The following MACROD2 variants were observed in gnomAD, a reference collection of about 807,000 sequenced individuals.
The protein encoded by MACROD2 is mono-ADP ribosylhydrolase 2.
MACROD2 carries 36 observed loss-of-function variants against 70.4 expected under a neutral mutation model. That is an observed-to-expected ratio of 0.51 (90% CI 0.39 to 0.68). MACROD2 has a LOEUF of 0.68. Ranked by LOEUF, MACROD2 falls within the 30% of genes least tolerant of loss-of-function variation. MACROD2 has a pLI of 0.00. For missense variants in MACROD2, 496 were observed against 538.4 expected, an observed-to-expected ratio of 0.92 and a Z score of 0.78; for synonymous variants, 172 against 178.8, an observed-to-expected ratio of 0.96 and a Z score of 0.30.
At chr20:14,126,154 G>T (rs2054647025) in intron 3 of MACROD2, among the ~76,000 whole-genome samples, 1 of 152,186 alleles carries the variant, frequency 6.6e-6, no homozygotes, top group Non-Finnish European at 1.5e-5. Context: ...TCACAGTTCT[G>T]AAGGGTGGCA....
Position 15,896,563 on chromosome 20 carries a change from C to T in MACROD2, c.775+10752C>T, listed in dbSNP as rs117943969. Among the ~76,000 whole-genome samples, 601 of 147,598 alleles carry T rather than the reference C, an allele frequency of 4.1e-3. 2 individuals are homozygous for T. The highest frequency in any genetic ancestry group is 0.026 in the East Asian group (132 of 5,094). ...TTTTTTTTTTTTTCTAGAAAAAACA[C>T]AGCTTCTGTAATCTTTTCTCTTTCT... On this transcript the variant is annotated intron_variant, in intron 10 of 17. Coordinates refer to ENST00000684519, the MANE Select transcript of MACROD2 (RefSeq NM_001351661.2).
rs1005080007 is a variant in MACROD2 at position 14,535,164 on chromosome 20, C to T, written c.301+41656C>T. On this transcript the variant is annotated intron_variant, in intron 4 of 17. Transcript: ENST00000684519. The stretch of plus-strand genomic sequence containing the variant: ...AGGATTGAAGGAACTGCCAAGATTC[C>T]TTTAGAATTTGAGATTGTATTTTTG... Among the ~76,000 whole-genome samples, 5 of 152,110 alleles carry T rather than the reference C, an allele frequency of 3.3e-5. No individual in the cohort carries two copies. In the East Asian group the frequency reaches 9.6e-4, roughly 29 times the overall value.
intron 2 of MACROD2, among the ~76,000 whole-genome samples, chr20:14,031,436 T>G (rs967411584): frequency 4.6e-5 from 7 of 152,314 alleles, no homozygotes; most frequent in African/African-American, 1.4e-4. Flanking sequence ...TCAGTAATTG[T>G]TTCTTAAAAT....
At chr20:14,997,802 GTGCTGGC>G (rs2074962661) in intron 5 of MACROD2, among the ~76,000 whole-genome samples, 1 of 152,138 alleles carries the variant, frequency 6.6e-6, no homozygotes, top group Non-Finnish European at 1.5e-5. Context: ...TCCCAGTACT[GTGCTGGC>G]CTCGGGTCTC....
At chr20:14,278,048 GCTAAGA>G (rs2082274326) in intron 3 of MACROD2, among the ~76,000 whole-genome samples, 1 of 152,168 alleles carries the variant, frequency 6.6e-6, no homozygotes, top group Non-Finnish European at 1.5e-5. Context: ...CCAACTTCAG[GCTAAGA>G]CAAGTGAGAG....
At chr20:14,980,523 C>T (rs1359820180) in intron 5 of MACROD2, among the ~76,000 whole-genome samples, 2 of 152,108 alleles carry the variant, frequency 1.3e-5, no homozygotes, top group Non-Finnish European at 2.9e-5. Flanking sequence ...CAGACTAAGA[C>T]ACGCCCTACA....
chr20:14,914,795 A>G (rs2074070961), intron 5 of MACROD2, among the ~76,000 whole-genome samples: 1 of 152,178 alleles, frequency 6.6e-6, no homozygotes, highest in African/African-American at 2.4e-5. Context: ...ATGCTGCCAG[A>G]CTCATCCAAA....
intron 5 of MACROD2, among the ~76,000 whole-genome samples, chr20:15,076,029 C>T (rs1322106): frequency 0.12 from 18,573 of 152,032 alleles, 1,241 homozygotes; most frequent in South Asian, 0.21. Context: ...TCATAAAAGG[C>T]GATCAGTTAT....
At chr20:15,479,505 C>T (rs1236882841) in intron 7 of MACROD2, among the ~76,000 whole-genome samples, 1 of 151,864 alleles carries the variant, frequency 6.6e-6, no homozygotes, top group Non-Finnish European at 1.5e-5. Context: ...GATCTCCTGA[C>T]CTCGTGATCC....
At chr20:14,956,689 T>C (rs953593223) in intron 5 of MACROD2, among the ~76,000 whole-genome samples, 10 of 152,184 alleles carry the variant, frequency 6.6e-5, no homozygotes, top group African/African-American at 2.4e-4. Flanking sequence ...CTTTTCTACC[T>C]CTTGAATCTT....
intron 6 of MACROD2, among the ~76,000 whole-genome samples, chr20:15,285,833 C>T (rs185549951): frequency 6.6e-6 from 1 of 152,240 alleles, no homozygotes; most frequent in East Asian, 1.9e-4. Flanking sequence ...TGAAAGTTAG[C>T]TTTCTTTGGC....
intron 5 of MACROD2, among the ~76,000 whole-genome samples, chr20:15,082,081 G>C (rs1435259369): frequency 6.6e-6 from 1 of 152,178 alleles, no homozygotes; most frequent in Non-Finnish European, 1.5e-5. Flanking sequence ...GACAGAATGA[G>C]ATCTCTGCAT....
chr20:14,279,864 G>A (rs1178079117), intron 3 of MACROD2, among the ~76,000 whole-genome samples: 3 of 152,070 alleles, frequency 2.0e-5, no homozygotes, highest in Non-Finnish European at 4.4e-5. Flanking sequence ...GCACTAACGC[G>A]GAAACATTTC....
chr20:15,454,047 A>G (rs2046681520), intron 7 of MACROD2, among the ~76,000 whole-genome samples: 1 of 152,106 alleles, frequency 6.6e-6, no homozygotes, highest in Admixed American at 6.6e-5. Flanking sequence ...TATTGGGTTT[A>G]TGGAGAAAGC....
chr20:14,940,684 G>C (rs1414579239), intron 5 of MACROD2, among the ~76,000 whole-genome samples: 1 of 152,008 alleles, frequency 6.6e-6, no homozygotes. Context: ...CTGTTAATGT[G>C]ATATATCATG....
At chr20:15,559,350 A>T (rs2048212829) in intron 8 of MACROD2, among the ~76,000 whole-genome samples, 1 of 152,058 alleles carries the variant, frequency 6.6e-6, no homozygotes, top group African/African-American at 2.4e-5. Context: ...AATAGTCATG[A>T]TTAAATCAAT....
In MACROD2 at chr20:15,764,461, A is replaced by G. The variant is rs542381953; in HGVS notation, c.646-98284A>G. ...CTCTTGACTCCTTCCCTTCCACCAAACCTGTTTTGCCCAGCCTTTCCCGCC... is the reference window on the plus strand; with the variant it reads ...CTCTTGACTCCTTCCCTTCCACCAAGCCTGTTTTGCCCAGCCTTTCCCGCC... On this transcript the variant is annotated intron_variant, in intron 8 of 17. Transcript: ENST00000684519. Among the ~76,000 whole-genome samples, 5 of 151,852 alleles carry G rather than the reference A, an allele frequency of 3.3e-5. No individual in the cohort carries two copies. In the South Asian group the frequency reaches 1.0e-3, roughly 32 times the overall value.
intron 8 of MACROD2, among the ~76,000 whole-genome samples, chr20:15,554,825 A>G (rs2048144854): frequency 6.6e-6 from 1 of 152,330 alleles, no homozygotes; most frequent in East Asian, 1.9e-4. Context: ...AAATACCTTC[A>G]TTTGGAAGGA....
intron 3 of MACROD2, among the ~76,000 whole-genome samples, chr20:14,121,096 T>A (rs2054583290): frequency 6.6e-6 from 1 of 152,188 alleles, no homozygotes; most frequent in African/African-American, 2.4e-5. Context: ...TAATATTGTT[T>A]CTATTAGCTT....
Sources: gnomAD v4.1 joint callset for allele counts (sites outside exome capture counted in the v4.1 genomes callset) on GRCh38, gnomAD v4.1.1 for gene constraint, MANE v1.5 for transcripts, NCBI Gene and HGNC (gene_info 2026-07-23, HGNC 2026-07-21) for gene names.